Variants in FKTN observed in about 807,000 individuals in gnomAD.
FKTN encodes ribitol-5-phosphate transferase FKTN.
In FKTN, 47 loss-of-function variants were observed where a neutral mutation model predicts 58.6. The observed-to-expected ratio is 0.80, with a 90% CI of 0.63 to 1.02. The LOEUF is 1.02. FKTN is among the 50% of genes least tolerant of loss of function. The pLI, the probability that FKTN is intolerant of heterozygous loss-of-function variation, is 0.00. For synonymous variants in FKTN, 178 were observed against 191.9 expected, an observed-to-expected ratio of 0.93 and a Z score of 0.60; for missense variants, 516 against 537.3, an observed-to-expected ratio of 0.96 and a Z score of 0.39.
intron 10 of FKTN, among the ~76,000 whole-genome samples, chr9:105,634,192 C>T (rs1188902928): frequency 6.6e-5 from 10 of 151,686 alleles, no homozygotes; most frequent in African/African-American, 2.2e-4. Flanking sequence ...AGTGCAGTGG[C>T]GTGATCTTGG....
At chr9:105,561,758 C>G (rs895891614) in intron 1 of FKTN, among the ~76,000 whole-genome samples, 1 of 152,066 alleles carries the variant, frequency 6.6e-6, no homozygotes, top group Non-Finnish European at 1.5e-5. Context: ...ACTTCTTAAC[C>G]CTTTGCAGTC....
rs1204903396 is a variant in FKTN, at chr9:105,635,137, A to G, written c.1259A>G (p.Glu420Gly). ...CCCTGTGAAACCCTCGAATACATTG[A>G]AGCCAACTATGGTAAGACCTGGAAG... is the stretch of plus-strand genomic sequence containing the variant. ...HVPCETLEYIEANYGKTWKIP... is the reference protein window; with the variant it reads ...HVPCETLEYIGANYGKTWKIP... The change falls in exon 11 of 11, where the codon GAA (glutamate) becomes GGA (glycine). Residue 420 changes from glutamate (E) to glycine (G), a missense_variant. Physicochemically the swap from Glu to Gly is moderately conservative, Grantham distance 98 (BLOSUM62 -2). Transcript: ENST00000357998. 6.2e-7 allele frequency: 1 copy of G among 1,614,152 alleles called. No homozygotes were observed. Among genetic ancestry groups the G allele is most frequent in the East Asian group, 2.2e-5 (1 of 44,880 alleles).
Position 105,635,699 on chromosome 9 carries a change from G to T in FKTN, c.*435G>T. 9.5e-7 allele frequency: 1 copy of T among 1,051,874 alleles called. No individual in the cohort carries two copies. Among genetic ancestry groups the T allele is most frequent in the African/African-American group, 1.7e-5 (1 of 59,252 alleles). 65.2% of individuals were successfully genotyped at this position (1,051,874 alleles called of 1,614,324 possible). A position where few individuals can be genotyped will look rare whatever the true frequency, so the allele number is the denominator to read the frequency against. ...ACCCACTCCTCTTCTGGGCATTTAA[G>T]CTGGTATGTTAGTGCTACTTTTAAG... On this transcript the variant is annotated 3_prime_UTR_variant, in exon 11 of 11. Coordinates refer to ENST00000357998, the MANE Select transcript of FKTN (RefSeq NM_001079802.2).
intron 6 of FKTN, 92 bp downstream of exon 6, chr9:105,604,584 A>G (rs1203343488): frequency 3.5e-5 from 33 of 954,616 alleles, no homozygotes; most frequent in Non-Finnish European, 3.9e-5. Context: ...GAAATCTAAT[A>G]TATAATTTAT....
chr9:105,590,443 A>G (rs549482652), intron 3 of FKTN, among the ~76,000 whole-genome samples: 1 of 152,218 alleles, frequency 6.6e-6, no homozygotes, highest in Non-Finnish European at 1.5e-5. Flanking sequence ...AAAATGGACT[A>G]ATACACAGAG....
At chr9:105,630,883 C>G (rs1368712072) in intron 10 of FKTN, among the ~76,000 whole-genome samples, 1 of 152,114 alleles carries the variant, frequency 6.6e-6, no homozygotes, top group Non-Finnish European at 1.5e-5. Flanking sequence ...TCTGTAATCT[C>G]AACATTTAGG....
At chr9:105,579,296 G>A (rs536533548) in intron 3 of FKTN, among the ~76,000 whole-genome samples, 209 of 151,960 alleles carry the variant, frequency 1.4e-3, no homozygotes, top group African/African-American at 4.8e-3. Context: ...TTCTCTTGTG[G>A]GCATTTAGTG....
At position 105,604,475 on chromosome 9, in the gene FKTN, T is replaced by G; in HGVS notation, c.630T>G (p.Tyr210Ter). 1 of 1,614,094 alleles carries G rather than the reference T, an allele frequency of 6.2e-7. No individual in the cohort carries two copies. Among genetic ancestry groups the G allele is most frequent in the Non-Finnish European group, 8.5e-7 (1 of 1,179,914 alleles). The change falls in exon 6 of 11, where the codon TAT (tyrosine) becomes TAG (stop). Residue 210 changes from tyrosine to a stop codon, truncating the protein, a stop_gained. Coordinates refer to ENST00000357998, the MANE Select transcript of FKTN (RefSeq NM_001079802.2). LOFTEE classifies it high-confidence loss of function. ...VPFRKLQFGR[Y>*]PGAFDRPELQ... ...TCCGAAAGTTACAGTTTGGTCGTTATCCAGGAGCTTTTGACAGGTAAGTTC... is the reference window on the plus strand; with the variant it reads ...TCCGAAAGTTACAGTTTGGTCGTTAGCCAGGAGCTTTTGACAGGTAAGTTC...
At chr9:105,583,378 C>G (rs1843367035) in intron 3 of FKTN, among the ~76,000 whole-genome samples, 1 of 152,062 alleles carries the variant, frequency 6.6e-6, no homozygotes, top group Non-Finnish European at 1.5e-5. Flanking sequence ...AGGAGTCTAC[C>G]CCAAAACCTC....
rs142683172 is a variant in FKTN, at chr9:105,636,750, C to A, written c.*1486C>A. 1 of 1,293,380 alleles carries A rather than the reference C, an allele frequency of 7.7e-7. No homozygotes were observed. Among genetic ancestry groups the A allele is most frequent in the African/African-American group, 1.5e-5 (1 of 65,802 alleles). 80.1% of individuals were successfully genotyped at this position (1,293,380 alleles called of 1,614,324 possible). ...GAGCTTGGCAGATTTTCCTCTGACA[C>A]CAGAGAACAATAGTAGTCTCAAGAA... On this transcript the variant is annotated 3_prime_UTR_variant, in exon 11 of 11. Coordinates refer to ENST00000357998, the MANE Select transcript of FKTN (RefSeq NM_001079802.2).
At chr9:105,615,684 C>T (rs564570112) in intron 8 of FKTN, among the ~76,000 whole-genome samples, 1 of 152,028 alleles carries the variant, frequency 6.6e-6, no homozygotes, top group Admixed American at 6.5e-5. Flanking sequence ...ATACAATAGT[C>T]CCCCCTTATC....
In FKTN at chr9:105,570,151, T is replaced by A. The variant is rs183541713; in HGVS notation, c.-180-3504T>A. On this transcript the variant is annotated intron_variant, in intron 1 of 10. Transcript: ENST00000357998. Reference sequence around the variant, plus strand: ...AAACTCTTTTAAAAATCTTTTTTTTTTATATTTCAAATTCTGTTTTATTGT... The same window carrying A: ...AAACTCTTTTAAAAATCTTTTTTTTATATATTTCAAATTCTGTTTTATTGT... Among the ~76,000 whole-genome samples the A allele has an allele frequency of 2.7e-3, 405 of 152,278 alleles. 2 individuals carry two copies. Among genetic ancestry groups the A allele is most frequent in the Non-Finnish European group, 4.4e-3 (297 of 68,006 alleles).
intron 3 of FKTN, among the ~76,000 whole-genome samples, chr9:105,592,398 G>A (rs1251239222): frequency 1.3e-5 from 2 of 152,256 alleles, no homozygotes; most frequent in Admixed American, 1.3e-4. Flanking sequence ...CAGCACTTTG[G>A]TAGGCCGAGT....
rs910804617 is a variant in FKTN, at chr9:105,617,318, C to T, written c.911-641C>T. On this transcript the variant is annotated intron_variant, in intron 8 of 10. Coordinates refer to ENST00000357998, the MANE Select transcript of FKTN (RefSeq NM_001079802.2). ...CTATAGCAATGAATTAGAGCACATA[C>T]GTGGTAAACACTTAGAAATATCATT... Among the ~76,000 whole-genome samples the T allele has an allele frequency of 7.2e-5, 11 of 152,234 alleles. No individual in the cohort carries two copies. In the South Asian group the frequency reaches 1.2e-3, roughly 17 times the overall value.
At chr9:105,566,364 G>C (rs1839614121) in intron 1 of FKTN, among the ~76,000 whole-genome samples, 1 of 152,004 alleles carries the variant, frequency 6.6e-6, no homozygotes, top group Non-Finnish European at 1.5e-5. Context: ...TTCAGGAGCT[G>C]GTTTTTTGAA....
intron 10 of FKTN, among the ~76,000 whole-genome samples, chr9:105,632,483 A>G (rs1488749967): frequency 1.3e-5 from 2 of 151,370 alleles, no homozygotes; most frequent in African/African-American, 2.4e-5. Flanking sequence ...AGGTTCAGTT[A>G]TAGTTGATGT....
rs577768718 is a variant in FKTN, at chr9:105,584,802, C to T, written c.105+9665C>T. ...CGCCACTGCACTCCAGCCTGGGTGA[C>T]GGGGAGATCGTGTCTTAAAATTTTT... On this transcript the variant is annotated intron_variant, in intron 3 of 10. Transcript: ENST00000357998. Among the ~76,000 whole-genome samples, 30 of 151,800 alleles carry T rather than the reference C, an allele frequency of 2.0e-4. 1 individual carries two copies. The South Asian group carries it at 5.2e-3, about 26-fold the overall frequency.
At chr9:105,607,423 C>T (rs1197847844) in intron 6 of FKTN, among the ~76,000 whole-genome samples, 1 of 151,606 alleles carries the variant, frequency 6.6e-6, no homozygotes, top group African/African-American at 2.4e-5. Context: ...ATACATTAAC[C>T]AAAATAATTA....
intron 10 of FKTN, among the ~76,000 whole-genome samples, chr9:105,621,566 T>C (rs1246157299): frequency 6.6e-6 from 1 of 152,088 alleles, no homozygotes; most frequent in Non-Finnish European, 1.5e-5. Flanking sequence ...TAGTTGCCCT[T>C]TACAGAGATA....
Sources: gnomAD v4.1 joint callset for allele counts (sites outside exome capture counted in the v4.1 genomes callset) on GRCh38, gnomAD v4.1.1 for gene constraint, MANE v1.5 for transcripts, NCBI Gene and HGNC (gene_info 2026-07-23, HGNC 2026-07-21) for gene names.